TIAM2: variants seen among roughly 807,000 people sequenced by gnomAD.
TIAM2 encodes rho guanine nucleotide exchange factor TIAM2.
TIAM2 carries 80 observed loss-of-function variants against 152.9 expected under a neutral mutation model. That is an observed-to-expected ratio of 0.52 (90% CI 0.44 to 0.63). The LOEUF is 0.63. TIAM2 is among the 30% of genes least tolerant of loss of function. The pLI is 0.00. For synonymous variants in TIAM2, 804 were observed against 838.0 expected (o/e 0.96, Z 0.70); for missense variants, 1,965 against 2,120.1 (o/e 0.93, Z 1.44).
intron 26 of TIAM2, 107 bp from the exon 27 acceptor site, chr6:155,256,377 C>A: frequency 6.6e-7 from 1 of 1,504,272 alleles, no homozygotes; most frequent in Non-Finnish European, 9.0e-7. Flanking sequence ...GAAGTCATAT[C>A]ATAAAATAAA....
chr6:155,104,613 T>C (rs562026570), intron 2 of TIAM2, among the ~76,000 whole-genome samples: 55 of 151,960 alleles, frequency 3.6e-4, no homozygotes, highest in Non-Finnish European at 5.9e-4. Flanking sequence ...AAAAATTAGC[T>C]GGGCGTGGTG....
intron 1 of TIAM2, among the ~76,000 whole-genome samples, chr6:155,059,147 AGT>A (rs1483888840): frequency 1.3e-5 from 2 of 152,176 alleles, no homozygotes; most frequent in African/African-American, 4.8e-5. Context: ...TCTAAGATTC[AGT>A]CTGTGATTCT....
chr6:155,015,151 C>T (rs1275234816), intron 1 of TIAM2, among the ~76,000 whole-genome samples: 2 of 151,832 alleles, frequency 1.3e-5, no homozygotes, highest in South Asian at 2.1e-4. Context: ...GAGAGAGAAC[C>T]GTCCAGATGA....
At position 155,179,059 on chromosome 6, in the gene TIAM2, C is replaced by A. The variant is rs549919627; in HGVS notation, c.2544C>A (p.Ser848Arg). 1 of 1,613,850 alleles carries A rather than the reference C, an allele frequency of 6.2e-7. No homozygotes were observed. Among genetic ancestry groups the A allele is most frequent in the Non-Finnish European group, 8.5e-7 (1 of 1,179,870 alleles). Reference protein sequence around the residue: ...LACKMRQLEPSHYGLQLRKLV... With the variant: ...LACKMRQLEPRHYGLQLRKLV... ...TATAGATGAGGCAGTTGGAACCCAG[C>A]CATTATGGCCTACAGCTTCGAAAAT... Residue 848 changes from serine to arginine, a missense_variant, in exon 11 of 27, where the codon AGC becomes AGA. By Grantham distance (110) the Ser-to-Arg change is moderately radical. Coordinates refer to ENST00000682666, the MANE Select transcript of TIAM2 (RefSeq NM_012454.4).
chr6:155,226,320 C>T lies in TIAM2; in HGVS notation c.3169-14210C>T, dbSNP rs1782240441. 2.0e-5 allele frequency among the ~76,000 whole-genome samples: 3 copies of T among 152,190 alleles called. No homozygotes were observed. In the South Asian group the frequency reaches 6.2e-4, roughly 32 times the overall value. ...ATGCAAGGCTGCTCAGCCTCAGTAG[C>T]CCCCTTGGCTGGCTGAGCATCTTTG... On this transcript the variant is annotated intron_variant, in intron 15 of 26. Transcript: ENST00000682666.
rs375244035 is a variant in TIAM2, at chr6:155,022,026, AG to A, written c.-209+26535del. On this transcript the variant is annotated intron_variant, in intron 1 of 26. Transcript: ENST00000682666. ...CCTCTCAGTTTAATTGCCAACTAGT[AG>A]CATCTGCAGCTTCGTACTTGGTGTT... Among the ~76,000 whole-genome samples the A allele has an allele frequency of 7.9e-4, 121 of 152,318 alleles. 1 individual carries two copies. The South Asian group carries it at 0.022, about 28-fold the overall frequency.
In TIAM2 at chr6:155,256,609, T is replaced by C. The variant is rs978787704; in HGVS notation, c.4594T>C (p.Cys1532Arg). ...SLSSGTQSSG[C>R]PTAEGRQDSK... Reference sequence around the variant, plus strand: ...GAGCAGCGGCACCCAGAGCAGCGGCTGCCCCACGGCTGAGGGCAGGCAGGA... The same window carrying C: ...GAGCAGCGGCACCCAGAGCAGCGGCCGCCCCACGGCTGAGGGCAGGCAGGA... The change falls in exon 27 of 27, where the codon TGC (cysteine) becomes CGC (arginine). Residue 1532 changes from cysteine (C) to arginine (R), a missense_variant. Cys to Arg is a radical substitution (Grantham distance 180). Transcript: ENST00000682666. The C allele has an allele frequency of 3.1e-6, 5 of 1,614,160 alleles. No homozygotes were observed. Among genetic ancestry groups the C allele is most frequent in the Non-Finnish European group, 3.4e-6 (4 of 1,180,020 alleles).
At chr6:155,128,247 G>A (rs1032781245) in intron 3 of TIAM2, among the ~76,000 whole-genome samples, 3 of 152,106 alleles carry the variant, frequency 2.0e-5, no homozygotes, top group African/African-American at 7.2e-5. Flanking sequence ...AAAAGCTCTA[G>A]AGATTAGTTT....
Position 155,248,007 on chromosome 6 carries a change from T to C in TIAM2, c.3660T>C (p.Thr1220=), listed in dbSNP as rs148540428. ...KVQKVLERAK[T]DKAFKAFLDA... ...TTATCCATCTGCTTGTAGCTAAAAC[T>C]GACAAAGCCTTCAAGGCTTTTCTGG... Residue 1220 remains threonine (T), a synonymous_variant, in exon 20 of 27, where the codon ACT becomes ACC. Coordinates refer to ENST00000682666, the MANE Select transcript of TIAM2 (RefSeq NM_012454.4). 4 of 1,613,852 alleles carry C rather than the reference T, an allele frequency of 2.5e-6. No individual in the cohort carries two copies. The African/African-American group carries it at 4.0e-5, about 16-fold the overall frequency.
At chr6:155,132,066 G>T (rs533157798) in intron 4 of TIAM2, among the ~76,000 whole-genome samples, 3 of 151,786 alleles carry the variant, frequency 2.0e-5, no homozygotes, top group African/African-American at 7.3e-5. Flanking sequence ...CCACCAGGAA[G>T]AAAAGTGATA....
chr6:155,235,595 CTT>C (rs1259732879), intron 15 of TIAM2, among the ~76,000 whole-genome samples: 3 of 152,254 alleles, frequency 2.0e-5, no homozygotes, highest in Non-Finnish European at 4.4e-5. Flanking sequence ...AAAAGACACA[CTT>C]ATAATTACTC....
intron 1 of TIAM2, among the ~76,000 whole-genome samples, chr6:155,020,743 A>G (rs978246748): frequency 1.4e-4 from 22 of 152,214 alleles, no homozygotes; most frequent in Non-Finnish European, 2.8e-4. Flanking sequence ...GATTACAGGC[A>G]TGAGCCACTG....
At chr6:155,160,236 T>C (rs990203808) in intron 7 of TIAM2, among the ~76,000 whole-genome samples, 22 of 152,128 alleles carry the variant, frequency 1.4e-4, no homozygotes, top group African/African-American at 5.1e-4. Context: ...GAAGAGCCCA[T>C]GTTTTGTTCA....
rs778697740 is a variant in TIAM2 at position 155,130,084 on chromosome 6, A to G, written c.861A>G (p.Lys287=). The part of the protein sequence containing the change: ...LHASFPPGDA[K]KPFNQSSSLS... ...CCAGCTTCCCACCTGGCGATGCCAA[A>G]AAGCCTTTCAACCAAAGCTCTTCCC... Residue 287 remains lysine (K), a synonymous_variant, in exon 4 of 27, where the codon AAA becomes AAG. Transcript: ENST00000682666. The G allele has an allele frequency of 1.9e-6, 3 of 1,614,078 alleles. No homozygotes were observed. The highest frequency in any genetic ancestry group is 1.7e-6 in the Non-Finnish European group (2 of 1,180,020).
intron 1 of TIAM2, among the ~76,000 whole-genome samples, chr6:155,030,866 T>G (rs576000345): frequency 2.0e-5 from 3 of 152,306 alleles, no homozygotes; most frequent in African/African-American, 7.2e-5. Flanking sequence ...TTCCTGTGTT[T>G]AAATCAGGAT....
At chr6:155,089,685 G>A (rs1397786046) in intron 1 of TIAM2, among the ~76,000 whole-genome samples, 3 of 152,170 alleles carry the variant, frequency 2.0e-5, no homozygotes, top group South Asian at 2.1e-4. Flanking sequence ...ATTTCAGAGA[G>A]CCAATTCCTA....
chr6:155,176,915 G>A lies in TIAM2; in HGVS notation c.2461G>A (p.Gly821Arg), dbSNP rs760230451. The change falls in exon 10 of 27, where the codon GGA (glycine) becomes AGA (arginine). Residue 821 changes from glycine (G) to arginine (R), a missense_variant. By Grantham distance (125) the Gly-to-Arg change is moderately radical. Around this residue, in one of 3 missense-constraint regions of TIAM2, gnomAD observed 1,025 missense variants for 1,119.4 expected, o/e 0.92. Transcript: ENST00000682666. ...QTYVHFQDNHGVTVGIKPEHR... is the reference protein window; with the variant it reads ...QTYVHFQDNHRVTVGIKPEHR... ...TTATGTCCACTTTCAGGACAATCAC[G>A]GAGTTACTGTAGGGATCAAGCCAGA... The A allele has an allele frequency of 2.3e-5, 37 of 1,613,852 alleles. No individual in the cohort carries two copies. Among genetic ancestry groups the A allele is most frequent in the African/African-American group, 9.4e-5 (7 of 74,860 alleles).
At chr6:155,204,624 G>A (rs1197145012) in intron 14 of TIAM2, among the ~76,000 whole-genome samples, 3 of 152,018 alleles carry the variant, frequency 2.0e-5, no homozygotes, top group African/African-American at 4.8e-5. Context: ...TTATCAAAAA[G>A]GACCCTTTGG....
intron 4 of TIAM2, among the ~76,000 whole-genome samples, chr6:155,134,430 G>A (rs909654119): frequency 8.3e-6 from 1 of 121,012 alleles, no homozygotes; most frequent in Admixed American, 1.1e-4. Flanking sequence ...AAAACTCCTT[G>A]CTTTGCTATG....
Sources: allele counts gnomAD v4.1 joint callset (sites outside exome capture counted in the v4.1 genomes callset), GRCh38; gene constraint gnomAD v4.1.1; regional missense constraint gnomAD v4.1.1; transcripts MANE v1.5; gene names NCBI Gene and HGNC (gene_info 2026-07-23, HGNC 2026-07-21).